RBFOX1: variants seen among roughly 807,000 people sequenced by gnomAD.
The protein encoded by RBFOX1 is RNA binding fox-1 homolog 1.
A neutral mutation model predicts 57.7 loss-of-function variants in RBFOX1; 8 were observed. The ratio of observed to expected loss-of-function variants is 0.14; its 90% CI spans 0.08 to 0.25. RBFOX1 has a LOEUF of 0.25. Ranked by LOEUF, RBFOX1 falls within the 10% of genes least tolerant of loss-of-function variation. RBFOX1 has a pLI of 1.00. For missense variants in RBFOX1, 611 were observed against 548.5 expected (o/e 1.11, Z -1.14); for synonymous variants, 326 against 222.4 (o/e 1.47, Z -4.15).
At chr16:6,536,662 G>A (rs1417594696) in intron 2 of RBFOX1, among the ~76,000 whole-genome samples, 1 of 152,048 alleles carries the variant, frequency 6.6e-6, no homozygotes, top group Non-Finnish European at 1.5e-5. Context: ...GCTTGTGAGG[G>A]TTCTTGGATT....
In RBFOX1 at chr16:7,410,845, G is replaced by A. The variant is rs1042570187; in HGVS notation, c.28-107302G>A. Among the ~76,000 whole-genome samples the A allele has an allele frequency of 1.8e-3, 273 of 150,736 alleles. 6 individuals carry two copies. The East Asian group carries it at 0.036, about 20-fold the overall frequency. On this transcript the variant is annotated intron_variant, in intron 4 of 15. Coordinates refer to ENST00000550418, the MANE Select transcript of RBFOX1 (RefSeq NM_018723.4). ...TGAGTTTTCACGTGTGTGTGTGTGTGTGTGTGTGTGTGTGTGTGTGTGTAA... is the reference window on the plus strand; with the variant it reads ...TGAGTTTTCACGTGTGTGTGTGTGTATGTGTGTGTGTGTGTGTGTGTGTAA...
intron 2 of RBFOX1, among the ~76,000 whole-genome samples, chr16:6,626,898 T>C (rs894181773): frequency 4.6e-5 from 7 of 152,230 alleles, no homozygotes; most frequent in South Asian, 2.1e-4. Flanking sequence ...AGACACAAAT[T>C]GGAAGGACCT....
intron 4 of RBFOX1, among the ~76,000 whole-genome samples, chr16:7,073,175 T>G (rs183954924): frequency 1.1e-3 from 167 of 152,348 alleles, no homozygotes; most frequent in African/African-American, 3.9e-3. Context: ...CATCTGGCTA[T>G]GGGCTGTCTT....
chr16:5,962,696 T>G (rs968232497), intron 4 of RBFOX1, among the ~76,000 whole-genome samples: 19 of 152,132 alleles, frequency 1.2e-4, no homozygotes, highest in African/African-American at 4.6e-4. Flanking sequence ...TTATTATCAT[T>G]AAGAGTAATT....
chr16:5,852,214 C>G (rs559107216), intron 3 of RBFOX1, among the ~76,000 whole-genome samples: 1 of 152,124 alleles, frequency 6.6e-6, no homozygotes, highest in Non-Finnish European at 1.5e-5. Context: ...TTCATGCCTC[C>G]TAGCCTTTGC....
intron 4 of RBFOX1, among the ~76,000 whole-genome samples, chr16:7,321,141 A>ACTTACG (rs1198069960): frequency 3.3e-5 from 5 of 151,728 alleles, no homozygotes; most frequent in Non-Finnish European, 7.4e-5. Context: ...TTATACTTAT[A>ACTTACG]TTGTTTGTTT....
At chr16:5,599,232 G>A (rs769843879) in exon 3 of RBFOX1, 1 of 687,374 alleles carries the variant, frequency 1.5e-6, no homozygotes, top group South Asian at 1.6e-5. Context: ...GACAGATCCG[G>A]GGCACAGTGG....
rs556726231 is a variant in RBFOX1 at position 6,952,226 on chromosome 16, G to A, written c.-15-99831G>A. The stretch of plus-strand genomic sequence containing the variant: ...CTATCACTGAGATGAAAGAAAAAGA[G>A]TAGGACCTTTCCCTGCTACGTTTCT... On this transcript the variant is annotated intron_variant, in intron 3 of 15. Coordinates refer to ENST00000550418, the MANE Select transcript of RBFOX1 (RefSeq NM_018723.4). 5.9e-5 allele frequency among the ~76,000 whole-genome samples: 9 copies of A among 152,298 alleles called. No homozygotes were observed. The South Asian group carries it at 1.2e-3, about 21-fold the overall frequency.
intron 4 of RBFOX1, among the ~76,000 whole-genome samples, chr16:5,870,373 C>CAAAAAAAAAAAA (rs59398844): frequency 1.1e-5 from 1 of 91,144 alleles, no homozygotes; most frequent in African/African-American, 4.6e-5. Context: ...ATTTGTATGG[C>CAAAAAAAAAAAA]AAAAAAAAAA....
intron 3 of RBFOX1, among the ~76,000 whole-genome samples, chr16:6,828,048 G>C (rs149225090): frequency 9.0e-4 from 137 of 152,212 alleles, no homozygotes; most frequent in Middle Eastern, 3.4e-3. Flanking sequence ...GTAAACCCTT[G>C]AGAAAATGAT....
intron 1 of RBFOX1, among the ~76,000 whole-genome samples, chr16:5,295,300 C>T (rs527638599): frequency 1.3e-5 from 2 of 152,206 alleles, no homozygotes; most frequent in South Asian, 4.2e-4. Context: ...TCTGCATTTC[C>T]CTCAGTAATG....
chr16:6,393,218 T>C (rs1444596957), intron 2 of RBFOX1, among the ~76,000 whole-genome samples: 2 of 152,236 alleles, frequency 1.3e-5, no homozygotes, highest in Non-Finnish European at 2.9e-5. Context: ...CATTATTTCA[T>C]TTTTCTAAAA....
chr16:5,879,369 T>C (rs1357391260), intron 4 of RBFOX1, among the ~76,000 whole-genome samples: 5 of 152,200 alleles, frequency 3.3e-5, no homozygotes, highest in African/African-American at 1.2e-4. Context: ...GCTCATGTCC[T>C]AGAGAAAAGT....
At chr16:5,334,848 A>T (rs9932103) in intron 1 of RBFOX1, among the ~76,000 whole-genome samples, 1 of 151,632 alleles carries the variant, frequency 6.6e-6, no homozygotes, top group South Asian at 2.1e-4. Flanking sequence ...GCATGGACAC[A>T]TCCTTAAGCT....
intron 2 of RBFOX1, among the ~76,000 whole-genome samples, chr16:5,566,568 T>TTA (rs144434717): frequency 0.038 from 5,702 of 149,810 alleles, 358 homozygotes; most frequent in African/African-American, 0.13. Context: ...AGGAAAGTAG[T>TTA]TATATATATA....
intron 4 of RBFOX1, among the ~76,000 whole-genome samples, chr16:7,341,699 C>T (rs2096894736): frequency 6.7e-6 from 1 of 149,602 alleles, no homozygotes; most frequent in East Asian, 2.0e-4. Flanking sequence ...TCCTACCTTC[C>T]TTCCTTCCTT....
chr16:6,816,286 G>A (rs2090048358), intron 3 of RBFOX1, among the ~76,000 whole-genome samples: 2 of 152,190 alleles, frequency 1.3e-5, no homozygotes, highest in African/African-American at 4.8e-5. Flanking sequence ...TCGCACTTGA[G>A]CCACAGGGTA....
At chr16:5,902,995 C>T (rs2058344411) in intron 4 of RBFOX1, among the ~76,000 whole-genome samples, 1 of 152,120 alleles carries the variant, frequency 6.6e-6, no homozygotes, top group Non-Finnish European at 1.5e-5. Context: ...CCCCCACCCT[C>T]AACAAACGTG....
At chr16:7,350,984 C>T (rs1317772431) in intron 4 of RBFOX1, among the ~76,000 whole-genome samples, 1 of 152,212 alleles carries the variant, frequency 6.6e-6, no homozygotes, top group African/African-American at 2.4e-5. Flanking sequence ...TTAAGTCTGG[C>T]TCTATCAAAG....
Sources: allele counts gnomAD v4.1 joint callset (sites outside exome capture counted in the v4.1 genomes callset), GRCh38; gene constraint gnomAD v4.1.1; transcripts MANE v1.5; gene names NCBI Gene and HGNC (gene_info 2026-07-23, HGNC 2026-07-21).